ARAP1: variants seen among roughly 807,000 people sequenced by gnomAD.
The protein encoded by ARAP1 is ArfGAP with RhoGAP domain, ankyrin repeat and PH domain 1, also known as arf-GAP with Rho-GAP domain, ANK repeat and PH domain-containing protein 1.
ARAP1 carries 76 observed loss-of-function variants against 172.2 expected under a neutral mutation model. That is an observed-to-expected ratio of 0.44 (90% confidence interval 0.37 to 0.53). The LOEUF is 0.53. ARAP1 is among the 20% of genes least tolerant of loss of function. The pLI is 0.00. For synonymous variants in ARAP1, 804 were observed against 803.3 expected, an observed-to-expected ratio of 1.00 and a Z score of -0.01; for missense variants, 1,686 against 1,977.5, an observed-to-expected ratio of 0.85 and a Z score of 2.80.
Position 72,693,726 on chromosome 11 carries a change from C to T in ARAP1, c.3774G>A (p.Lys1258=), listed in dbSNP as rs142873827. ...LGTDSHLVVK[K]HQAMEAMLLY... is the part of the protein sequence containing the mutation. ...GCAGCATGGCCTCCATGGCCTGGTG[C>T]TTCTTCACCACCAGGTGGCTGTCCG... Residue 1258 remains lysine (K), a synonymous_variant, in exon 28 of 35, where the codon AAG becomes AAA. Transcript: ENST00000393609. This position sits in a 1 kb window ranked among gnomAD's most constrained non-coding sequence, Gnocchi z 4.6. 72 of 1,610,410 alleles carry T rather than the reference C, an allele frequency of 4.5e-5. No homozygotes were observed. The African/African-American group carries it at 9.1e-4, about 20-fold the overall frequency.
At chr11:72,690,259 C>G (rs1425459154) in intron 30 of ARAP1, among the ~76,000 whole-genome samples, 3 of 152,142 alleles carry the variant, frequency 2.0e-5, no homozygotes, top group African/African-American at 7.2e-5. Flanking sequence ...GACATTCAAA[C>G]CAGGCTGTGG....
At chr11:72,712,679 A>G in intron 5 of ARAP1, 111 bp from the exon 6 acceptor site, 2 of 1,554,884 alleles carry the variant, frequency 1.3e-6, no homozygotes, top group East Asian at 4.5e-5. Flanking sequence ...ACAGCCCAGC[A>G]CTTTTAGTTC....
chr11:72,746,864 C>G (rs1858383052), intron 1 of ARAP1, among the ~76,000 whole-genome samples: 1 of 152,220 alleles, frequency 6.6e-6, no homozygotes, highest in Admixed American at 6.5e-5. Context: ...TGAGGCAGAC[C>G]CTGGGTTCCT....
chr11:72,697,908 C>A lies in ARAP1; in HGVS notation c.2737+3G>T. On this transcript the variant is annotated splice_donor_region_variant and intron_variant, in intron 19 of 34. Transcript: ENST00000393609. ...GCTGGGGGCCCAGGTCTGGTCCACG[C>A]ACAAAGCTCCTGCAGTTTCCGTAGT... is the stretch of plus-strand genomic sequence containing the variant. 6.3e-7 allele frequency: 1 copy of A among 1,591,846 alleles called. No individual in the cohort carries two copies. The highest frequency in any genetic ancestry group is 1.1e-5 in the South Asian group (1 of 88,740).
intron 33 of ARAP1, among the ~76,000 whole-genome samples, chr11:72,686,728 C>G (rs950922935): frequency 6.6e-6 from 1 of 152,216 alleles, no homozygotes; most frequent in East Asian, 1.9e-4. Flanking sequence ...TGGGCTACCA[C>G]AGCCACTGCC....
chr11:72,687,993 G>GT (rs1396257721), intron 31 of ARAP1, among the ~76,000 whole-genome samples: 2 of 102,282 alleles, frequency 2.0e-5, no homozygotes, highest in East Asian at 4.6e-4. Flanking sequence ...GAGAATTTGT[G>GT]TTTTTTTGTT....
rs369098599 is a variant in ARAP1, at chr11:72,712,453, T to A, written c.863A>T (p.Tyr288Phe). 1 of 1,592,278 alleles carries A rather than the reference T, an allele frequency of 6.3e-7. No homozygotes were observed. Among genetic ancestry groups the A allele is most frequent in the Non-Finnish European group, 8.6e-7 (1 of 1,164,798 alleles). ...GGACACTCACTTGGGGACGCCCTCA[T>A]AGGCGTGGTCATCCTCTTCCTCATC... is the stretch of plus-strand genomic sequence containing the variant. ...QGDEEEDDHAYEGVPNGGWHT... is the reference protein window; with the variant it reads ...QGDEEEDDHAFEGVPNGGWHT... The change falls in exon 6 of 35, where the codon TAT (tyrosine) becomes TTT (phenylalanine). Residue 288 changes from tyrosine (Y) to phenylalanine (F), a missense_variant. Tyr to Phe is a conservative substitution (Grantham distance 22). Transcript: ENST00000393609.
At chr11:72,707,763 G>A (rs1237757343) in intron 11 of ARAP1, among the ~76,000 whole-genome samples, 1 of 152,160 alleles carries the variant, frequency 6.6e-6, no homozygotes, top group Non-Finnish European at 1.5e-5. Context: ...CAGAAGGGCA[G>A]ACTGGCAGAG....
chr11:72,690,962 G>A lies in ARAP1; in HGVS notation c.3987+1791C>T, dbSNP rs145089106. On this transcript the variant is annotated intron_variant, in intron 30 of 34. Coordinates refer to ENST00000393609, the MANE Select transcript of ARAP1 (RefSeq NM_001040118.3). The stretch of plus-strand genomic sequence containing the variant: ...AACAAATGCCAGAGTTGATAACCCC[G>A]TGGTAACCAGCTCACATCTGCTCAG... Among the ~76,000 whole-genome samples, 210 of 152,338 alleles carry A rather than the reference G, an allele frequency of 1.4e-3. 4 individuals are homozygous for A. In the East Asian group the frequency reaches 0.032, roughly 23 times the overall value.
At chr11:72,715,842 T>C (rs1857246972) in intron 3 of ARAP1, among the ~76,000 whole-genome samples, 1 of 152,132 alleles carries the variant, frequency 6.6e-6, no homozygotes, top group African/African-American at 2.4e-5. Context: ...TCTGAAAGTC[T>C]TCCTTGACCC....
chr11:72,745,589 C>T (rs1355156814), intron 1 of ARAP1, among the ~76,000 whole-genome samples: 1 of 152,040 alleles, frequency 6.6e-6, no homozygotes, highest in African/African-American at 2.4e-5. Context: ...CCTACCCCAA[C>T]CCATGAGGAA....
Position 72,699,151 on chromosome 11 carries a change from C to G in ARAP1, c.2439-44G>C. On this transcript the variant is annotated intron_variant, in intron 17 of 34. Coordinates refer to ENST00000393609, the MANE Select transcript of ARAP1 (RefSeq NM_001040118.3). The surrounding 1 kb of genome is among the most constrained non-coding windows in gnomAD (Gnocchi z 4.2). ...GGACTCAGGCCCACCTCATCCAGCA[C>G]GGGCCCACCCCCAACCCGCACCATC... The G allele has an allele frequency of 2.5e-6, 4 of 1,596,690 alleles. No individual in the cohort carries two copies. Among genetic ancestry groups the G allele is most frequent in the Non-Finnish European group, 2.6e-6 (3 of 1,165,546 alleles).
chr11:72,732,307 G>A (rs990248559), intron 2 of ARAP1, among the ~76,000 whole-genome samples: 6 of 152,224 alleles, frequency 3.9e-5, no homozygotes, highest in East Asian at 1.9e-4. Context: ...CCTCTGTCTC[G>A]TACCCCCACC....
Position 72,710,866 on chromosome 11 carries a change from C to A in ARAP1, c.1213+155G>T, listed in dbSNP as rs1209825638. ...AGCACAGAGCCGGTCACAGAGGGTG[C>A]CCCCTTCCTCTGCCCACCTCACAAA... On this transcript the variant is annotated intron_variant, in intron 9 of 34. Coordinates refer to ENST00000393609, the MANE Select transcript of ARAP1 (RefSeq NM_001040118.3). The surrounding 1 kb of genome is among the most constrained non-coding windows in gnomAD (Gnocchi z 4.3). 6.6e-6 allele frequency among the ~76,000 whole-genome samples: 1 copy of A among 152,206 alleles called. No homozygotes were observed. The highest frequency in any genetic ancestry group is 1.5e-5 in the Non-Finnish European group (1 of 68,026).
rs1424311206 is a variant in ARAP1, at chr11:72,697,148, T to A, written c.3001A>T (p.Thr1001Ser). 1 of 1,604,714 alleles carries A rather than the reference T, an allele frequency of 6.2e-7. No individual in the cohort carries two copies. The highest frequency in any genetic ancestry group is 8.5e-7 in the Non-Finnish European group (1 of 1,179,850). ...CGCAGGCTCTCCAGCAGCCGCTGTG[T>A]CTTCGATGTCTGCCCACACTTGCGG... ...IYRKCGQTSK[T>S]QRLLESLRQD... Residue 1001 changes from threonine to serine, a missense_variant, in exon 22 of 35, where the codon ACA becomes TCA. This residue lies in a region of ARAP1 where 274 missense variants were observed against 262.7 expected (regional missense o/e 1.04). Coordinates refer to ENST00000393609, the MANE Select transcript of ARAP1 (RefSeq NM_001040118.3).
Position 72,714,303 on chromosome 11 carries a change from C to T in ARAP1, c.528G>A (p.Glu176=). The part of the protein sequence containing the change: ...RLLVSLPTKE[E]ESLLPSLSSP... The stretch of plus-strand genomic sequence containing the variant: ...ATGATAATGATGGCAGCAATGACTC[C>T]TCCTCCTTAGTGGGCAGGCTGGGAA... Residue 176 remains glutamate (E), a synonymous_variant, in exon 4 of 35, where the codon GAG becomes GAA. Coordinates refer to ENST00000393609, the MANE Select transcript of ARAP1 (RefSeq NM_001040118.3). The T allele has an allele frequency of 1.3e-6, 2 of 1,547,670 alleles. No individual in the cohort carries two copies. Among genetic ancestry groups the T allele is most frequent in the African/African-American group, 1.4e-5 (1 of 72,762 alleles).
intron 19 of ARAP1, 109 bp from the exon 20 acceptor site, chr11:72,697,758 G>A: frequency 6.5e-7 from 1 of 1,537,132 alleles, no homozygotes; most frequent in Non-Finnish European, 8.8e-7. Context: ...ACCAATGTAT[G>A]GGGTGGCTGA....
At chr11:72,749,520 A>C (rs993378900) in intron 1 of ARAP1, among the ~76,000 whole-genome samples, 7 of 152,166 alleles carry the variant, frequency 4.6e-5, no homozygotes, top group African/African-American at 1.7e-4. Flanking sequence ...TTATGCTCTT[A>C]TGCAATTATG....
At chr11:72,750,517 C>T (rs1320981847) in intron 1 of ARAP1, among the ~76,000 whole-genome samples, 2 of 151,342 alleles carry the variant, frequency 1.3e-5, no homozygotes, top group Admixed American at 6.6e-5. Flanking sequence ...CTGACCCCTT[C>T]CCCTGGGTTC....
Sources: allele counts gnomAD v4.1 joint callset (sites outside exome capture counted in the v4.1 genomes callset), GRCh38; gene constraint gnomAD v4.1.1; regional missense constraint gnomAD v4.1.1; non-coding constraint Gnocchi (gnomAD v3.1); transcripts MANE v1.5; gene names NCBI Gene and HGNC (gene_info 2026-07-23, HGNC 2026-07-21).